The following PATJ variants were observed in gnomAD, a reference collection of about 807,000 sequenced individuals.
PATJ encodes the protein inaD-like protein.
Under a neutral mutation model 224.9 loss-of-function variants are expected in PATJ, and 190 were observed. The observed-to-expected ratio is 0.84, with a 90% confidence interval of 0.75 to 0.95. The LOEUF (loss-of-function observed/expected upper bound fraction) is 0.95. Ranked by LOEUF, PATJ falls within the 40% of genes least tolerant of loss-of-function variation. The pLI is 0.00. For synonymous variants in PATJ, 769 were observed against 820.3 expected (o/e 0.94, Z 1.07); for missense variants, 2,121 against 2,270.3 (o/e 0.93, Z 1.34).
intron 3 of PATJ, 75 bp from the exon 4 acceptor site, chr1:61,766,204 G>C (rs1435883098): frequency 1.0e-6 from 1 of 1,000,684 alleles, no homozygotes; most frequent in Non-Finnish European, 1.5e-6. Context: ...TCTATGTAAT[G>C]GTCAAAATAT....
intron 22 of PATJ, among the ~76,000 whole-genome samples, chr1:61,886,462 T>C (rs1389767994): frequency 1.3e-5 from 2 of 152,056 alleles, no homozygotes; most frequent in Non-Finnish European, 2.9e-5. Context: ...CAGAGAGTTG[T>C]GTATTGAGAA....
Position 62,124,320 on chromosome 1 carries a change from C to T in PATJ, c.5043+1262C>T, listed in dbSNP as rs375192989. ...CTGGTCTCGAACTCCTGCCCTCAAT[C>T]GATCCGACCACCTCAGCCTTCTGAA... is the stretch of plus-strand genomic sequence containing the variant. On this transcript the variant is annotated intron_variant, in intron 39 of 43. Coordinates refer to ENST00000642238, the MANE Select transcript of PATJ (RefSeq NM_001350145.3). Among the ~76,000 whole-genome samples, 9 of 152,162 alleles carry T rather than the reference C, an allele frequency of 5.9e-5. No individual in the cohort carries two copies. In the South Asian group the frequency reaches 1.5e-3, roughly 25 times the overall value.
At chr1:61,773,907 T>A (rs1646765115) in intron 6 of PATJ, among the ~76,000 whole-genome samples, 1 of 151,582 alleles carries the variant, frequency 6.6e-6, no homozygotes, top group Non-Finnish European at 1.5e-5. Context: ...GATCATGAGG[T>A]CAGGAGATCG....
At chr1:62,076,739 A>G (rs1250563568) in intron 31 of PATJ, among the ~76,000 whole-genome samples, 1 of 152,180 alleles carries the variant, frequency 6.6e-6, no homozygotes, top group Non-Finnish European at 1.5e-5. Flanking sequence ...AGTAATCTAG[A>G]TTGCTCTCTT....
chr1:61,765,373 G>A (rs1355031612), intron 3 of PATJ, among the ~76,000 whole-genome samples: 1 of 151,142 alleles, frequency 6.6e-6, no homozygotes, highest in Non-Finnish European at 1.5e-5. Context: ...CATCACACCC[G>A]GCCTAACATT....
Position 61,927,744 on chromosome 1 carries a change from T to A in PATJ, c.3585T>A (p.Ala1195=). 6.2e-7 allele frequency: 1 copy of A among 1,613,164 alleles called. No individual in the cohort carries two copies. Among genetic ancestry groups the A allele is most frequent in the Non-Finnish European group, 8.5e-7 (1 of 1,179,472 alleles). The change falls in exon 27 of 44, where the codon GCT becomes GCA. Residue 1195 remains alanine (A), a synonymous_variant. Transcript: ENST00000642238. ...QEKKEKRQGT[A]PPPMKLPPPY... Reference sequence around the variant, plus strand: ...TGCATCTTCAGAGGCAAGGAACTGCTCCACCGCCAATGAAACTTCCTCCTC... The same window carrying A: ...TGCATCTTCAGAGGCAAGGAACTGCACCACCGCCAATGAAACTTCCTCCTC...
Position 61,833,751 on chromosome 1 carries a change from G to T in PATJ, c.2078G>T (p.Cys693Phe). 4 of 1,613,638 alleles carry T rather than the reference G, an allele frequency of 2.5e-6. No homozygotes were observed. Among genetic ancestry groups the T allele is most frequent in the Non-Finnish European group, 3.4e-6 (4 of 1,179,698 alleles). The change falls in exon 17 of 44, where the codon TGT (cysteine) becomes TTT (phenylalanine). Residue 693 changes from cysteine (C) to phenylalanine (F), a missense_variant. Cys to Phe is a radical substitution (Grantham distance 205, BLOSUM62 -2). Coordinates refer to ENST00000642238, the MANE Select transcript of PATJ (RefSeq NM_001350145.3). Reference protein sequence around the residue: ...EVKIVELVKDCKGLGFSILDY... With the variant: ...EVKIVELVKDFKGLGFSILDY... ...AAGATTGTTGAACTAGTAAAAGATT[G>T]TAAAGGTTTGGGATTCAGCATTTTG...
chr1:61,869,150 A>T (rs554981249), intron 20 of PATJ, among the ~76,000 whole-genome samples: 1 of 129,262 alleles, frequency 7.7e-6, no homozygotes. Flanking sequence ...TCTGTCGCCC[A>T]GGCTGGAGTG....
intron 1 of PATJ, among the ~76,000 whole-genome samples, chr1:61,756,379 C>A (rs1645638500): frequency 6.6e-6 from 1 of 152,028 alleles, no homozygotes; most frequent in Admixed American, 6.6e-5. Context: ...ATCACAGGGT[C>A]ACAGGAGAGA....
chr1:61,778,026 C>G (rs1647033089), intron 7 of PATJ, among the ~76,000 whole-genome samples: 2 of 151,958 alleles, frequency 1.3e-5, no homozygotes, highest in Admixed American at 1.3e-4. Flanking sequence ...ACTACAGACC[C>G]AGGCCACCAT....
intron 17 of PATJ, among the ~76,000 whole-genome samples, chr1:61,835,627 C>T (rs1660058731): frequency 6.6e-6 from 1 of 152,118 alleles, no homozygotes; most frequent in Non-Finnish European, 1.5e-5. Context: ...TAGTCTCGAA[C>T]CCCTGACCTC....
At chr1:62,078,001 G>A (rs1199501414) in intron 31 of PATJ, among the ~76,000 whole-genome samples, 1 of 152,230 alleles carries the variant, frequency 6.6e-6, no homozygotes, top group Non-Finnish European at 1.5e-5. Flanking sequence ...CACAATGGAT[G>A]GTATTGTTTT....
chr1:61,937,920 G>T (rs1360492748), intron 27 of PATJ, among the ~76,000 whole-genome samples: 1 of 152,148 alleles, frequency 6.6e-6, no homozygotes, highest in Admixed American at 6.5e-5. Flanking sequence ...AGAGTGCTGG[G>T]ATTGCAGGCA....
chr1:62,103,703 G>C (rs1264910462), intron 33 of PATJ, among the ~76,000 whole-genome samples: 1 of 151,204 alleles, frequency 6.6e-6, no homozygotes, highest in South Asian at 2.1e-4. Context: ...GCAGTGAGCC[G>C]AGATTGCACC....
intron 28 of PATJ, among the ~76,000 whole-genome samples, chr1:62,011,457 AT>A (rs1646444279): frequency 6.6e-6 from 1 of 152,224 alleles, no homozygotes; most frequent in African/African-American, 2.4e-5. Flanking sequence ...CAGTGGAGTA[AT>A]CAGAACACAC....
At chr1:61,871,875 T>G (rs1666682819) in intron 20 of PATJ, among the ~76,000 whole-genome samples, 1 of 150,916 alleles carries the variant, frequency 6.6e-6, no homozygotes, top group African/African-American at 2.4e-5. Context: ...TTTTTTTTTT[T>G]TTGTATTTTT....
At chr1:61,884,962 T>C (rs1205299447) in intron 22 of PATJ, among the ~76,000 whole-genome samples, 1 of 152,168 alleles carries the variant, frequency 6.6e-6, no homozygotes, top group Non-Finnish European at 1.5e-5. Flanking sequence ...ATTAGATATG[T>C]GGGTCTGGGA....
At chr1:62,077,266 T>C (rs185698055) in intron 31 of PATJ, among the ~76,000 whole-genome samples, 8 of 152,342 alleles carry the variant, frequency 5.3e-5, no homozygotes, top group Non-Finnish European at 8.8e-5. Flanking sequence ...CTTAGAATAA[T>C]TGGATATCTA....
intron 21 of PATJ, 29 bp from the exon 22 acceptor site, chr1:61,884,208 G>C: frequency 6.4e-7 from 1 of 1,553,640 alleles, no homozygotes; most frequent in East Asian, 2.3e-5. Context: ...TGCCTCTTGT[G>C]TTCACTGTCA....
Sources: gnomAD v4.1 joint callset for allele counts (sites outside exome capture counted in the v4.1 genomes callset) on GRCh38, gnomAD v4.1.1 for gene constraint, MANE v1.5 for transcripts, NCBI Gene and HGNC (gene_info 2026-07-23, HGNC 2026-07-21) for gene names.